Variants in AKT3 observed in about 807,000 individuals in gnomAD.
AKT3 encodes the protein AKT serine/threonine kinase 3.
In AKT3, 15 loss-of-function variants were observed where a neutral mutation model predicts 65.3. The observed-to-expected ratio is 0.23, with a 90% confidence interval of 0.15 to 0.35. AKT3 has a LOEUF of 0.35. Ranked by LOEUF, AKT3 falls within the 10% of genes least tolerant of loss-of-function variation. The pLI is 1.00. For missense variants in AKT3, 243 were observed against 576.5 expected (o/e 0.42, Z 5.92); for synonymous variants, 206 against 183.8 (o/e 1.12, Z -0.98).
At chr1:243,785,260 A>G (rs372947280) in intron 2 of AKT3, among the ~76,000 whole-genome samples, 51 of 135,826 alleles carry the variant, frequency 3.8e-4, no homozygotes, top group Middle Eastern at 7.8e-3. Flanking sequence ...TTGTATTTTT[A>G]GTAGACACGG....
At chr1:243,836,239 A>C (rs760460854) in intron 2 of AKT3, among the ~76,000 whole-genome samples, 2 of 152,188 alleles carry the variant, frequency 1.3e-5, no homozygotes, top group African/African-American at 2.4e-5. Context: ...ATCAGGAGTT[A>C]CTATATTAAT....
intron 12 of AKT3, among the ~76,000 whole-genome samples, chr1:243,533,097 T>G (rs1558594365): frequency 6.6e-6 from 1 of 152,246 alleles, no homozygotes; most frequent in Non-Finnish European, 1.5e-5. Context: ...ATAACCAACT[T>G]TCGGTTTCGG....
chr1:243,731,941 C>T (rs539737758), intron 2 of AKT3, among the ~76,000 whole-genome samples: 3 of 152,152 alleles, frequency 2.0e-5, no homozygotes, highest in Non-Finnish European at 4.4e-5. Flanking sequence ...TTCCTTTCTT[C>T]CTAATTTCAT....
intron 2 of AKT3, among the ~76,000 whole-genome samples, chr1:243,712,990 A>C (rs937608785): frequency 6.6e-6 from 1 of 152,232 alleles, no homozygotes; most frequent in African/African-American, 2.4e-5. Flanking sequence ...CCAGGTTACT[A>C]TATAACTTTG....
At chr1:243,695,871 A>G (rs1365514251) in intron 2 of AKT3, among the ~76,000 whole-genome samples, 155 bp from the exon 3 acceptor site, 2 of 152,074 alleles carry the variant, frequency 1.3e-5, no homozygotes, top group Admixed American at 6.6e-5. Flanking sequence ...AAGAAAATAC[A>G]TAAGCCTACA....
rs574335088 is a variant in AKT3, at chr1:243,790,363, G to A, written c.46+52762C>T. Among the ~76,000 whole-genome samples the A allele has an allele frequency of 5.9e-5, 9 of 152,200 alleles. No individual in the cohort carries two copies. The South Asian group carries it at 1.2e-3, about 21-fold the overall frequency. On this transcript the variant is annotated intron_variant, in intron 2 of 13. Coordinates refer to ENST00000673466, the MANE Select transcript of AKT3 (RefSeq NM_005465.7). ...GCTTCACTTTGCATTTTTATGTTAC[G>A]GAGACGGCTTCTTTCCTTAAACCTC...
intron 2 of AKT3, among the ~76,000 whole-genome samples, chr1:243,724,758 A>G (rs563697001): frequency 6.6e-6 from 1 of 152,318 alleles, no homozygotes; most frequent in South Asian, 2.1e-4. Context: ...TCCTGGGAGA[A>G]AAAACTGAAT....
chr1:243,809,211 G>A (rs1282736642), intron 2 of AKT3, among the ~76,000 whole-genome samples: 1 of 152,114 alleles, frequency 6.6e-6, no homozygotes, highest in African/African-American at 2.4e-5. Context: ...TGGGCTAAAT[G>A]CTCCAATTAA....
At chr1:243,764,231 T>C (rs1689671644) in intron 2 of AKT3, among the ~76,000 whole-genome samples, 1 of 152,136 alleles carries the variant, frequency 6.6e-6, no homozygotes, top group African/African-American at 2.4e-5. Flanking sequence ...ATAAAAATAA[T>C]TTTAATTCCC....
At chr1:243,521,468 G>A (rs1313917023) in intron 12 of AKT3, among the ~76,000 whole-genome samples, 1 of 152,096 alleles carries the variant, frequency 6.6e-6, no homozygotes, top group African/African-American at 2.4e-5. Flanking sequence ...TATAAAAGAG[G>A]ATTTATTTCT....
intron 6 of AKT3, among the ~76,000 whole-genome samples, chr1:243,632,812 T>G (rs889244464): frequency 1.3e-5 from 2 of 152,170 alleles, no homozygotes; most frequent in Non-Finnish European, 2.9e-5. Flanking sequence ...GATGGTGTCT[T>G]TCCTTAAACC....
At chr1:243,660,105 G>T (rs999837926) in intron 4 of AKT3, among the ~76,000 whole-genome samples, 1 of 151,798 alleles carries the variant, frequency 6.6e-6, no homozygotes, top group Non-Finnish European at 1.5e-5. Flanking sequence ...GAATCCATCT[G>T]GTCCTGGACT....
intron 3 of AKT3, among the ~76,000 whole-genome samples, chr1:243,682,079 AAATTT>A (rs1418515022): frequency 2.0e-5 from 3 of 152,278 alleles, no homozygotes; most frequent in Non-Finnish European, 4.4e-5. Context: ...TAGAAACTAT[AAATTT>A]AAGTTTAAAA....
At chr1:243,489,996 C>T (rs1163760630) in intron 13 of AKT3, among the ~76,000 whole-genome samples, 1 of 152,224 alleles carries the variant, frequency 6.6e-6, no homozygotes, top group South Asian at 2.1e-4. Flanking sequence ...GGTCCGTGGG[C>T]TGACCAAGGC....
rs138565455 is a variant in AKT3, at chr1:243,544,705, GT to G, written c.1251+804del. Among the ~76,000 whole-genome samples the G allele has an allele frequency of 3.8e-3, 542 of 142,300 alleles. 4 individuals are homozygous for G. The highest frequency in any genetic ancestry group is 0.013 in the African/African-American group (506 of 38,066). The allele number at this position is 142,300 out of a possible 152,430, so 93.4% of individuals were successfully genotyped here. ...AATTAGTAGTGGTTTTTTGTTTTTT[GT>G]TTTTTTTTTTTTTAAGAGATTGGGT... On this transcript the variant is annotated intron_variant, in intron 12 of 13. Coordinates refer to ENST00000673466, the MANE Select transcript of AKT3 (RefSeq NM_005465.7).
chr1:243,624,725 C>A, intron 6 of AKT3: 1 of 199,872 alleles, frequency 5.0e-6, no homozygotes, highest in East Asian at 1.3e-4. Context: ...ACCATTTCAC[C>A]ATACTTAATT....
At chr1:243,843,937 A>C (rs1236258401) in intron 1 of AKT3, among the ~76,000 whole-genome samples, 1 of 152,178 alleles carries the variant, frequency 6.6e-6, no homozygotes, top group Non-Finnish European at 1.5e-5. Context: ...GAAGTGAGCC[A>C]CCACAACCAG....
At chr1:243,497,854 A>AT (rs1558559876), downstream of AKT3, among the ~76,000 whole-genome samples, 4 of 151,698 alleles carry the variant, frequency 2.6e-5, no homozygotes, top group South Asian at 6.2e-4. Flanking sequence ...AATTTTTACA[A>AT]TTTTTTTTGT....
chr1:243,648,292 T>G (rs577104178), intron 4 of AKT3, among the ~76,000 whole-genome samples: 6 of 149,334 alleles, frequency 4.0e-5, no homozygotes, highest in African/African-American at 7.4e-5. Flanking sequence ...AAAAAGAAAA[T>G]AAAACTGTCA....
Sources: allele counts gnomAD v4.1 joint callset (sites outside exome capture counted in the v4.1 genomes callset), GRCh38; gene constraint gnomAD v4.1.1; transcripts MANE v1.5; gene names NCBI Gene and HGNC (gene_info 2026-07-23, HGNC 2026-07-21).